Variants in DCC observed in about 807,000 individuals in gnomAD.
DCC encodes DCC netrin 1 receptor.
DCC carries 58 observed loss-of-function variants against 172.5 expected under a neutral mutation model. The ratio of observed to expected loss-of-function variants is 0.34; its 90% CI spans 0.27 to 0.42. The LOEUF (loss-of-function observed/expected upper bound fraction) is 0.42. DCC is among the 10% of genes least tolerant of loss of function. The pLI, the probability that DCC is intolerant of heterozygous loss-of-function variation, is 1.00. For missense variants in DCC, 1,740 were observed against 1,791.0 expected, an observed-to-expected ratio of 0.97 and a Z score of 0.51; for synonymous variants, 709 against 644.5, an observed-to-expected ratio of 1.10 and a Z score of -1.52.
chr18:52,699,704 A>T (rs1327392692), intron 1 of DCC, among the ~76,000 whole-genome samples: 2 of 152,190 alleles, frequency 1.3e-5, no homozygotes, highest in Admixed American at 6.5e-5. Context: ...AGAAAAGTTC[A>T]TACCTTTTTA....
intron 5 of DCC, among the ~76,000 whole-genome samples, chr18:53,052,547 C>T (rs1466630612): frequency 1.3e-5 from 2 of 152,048 alleles, no homozygotes; most frequent in East Asian, 1.9e-4. Context: ...TCTAGACTTA[C>T]TTGTCATCCT....
chr18:53,096,728 A>G (rs2043093175), intron 7 of DCC, among the ~76,000 whole-genome samples: 1 of 152,200 alleles, frequency 6.6e-6, no homozygotes, highest in African/African-American at 2.4e-5. Flanking sequence ...GAAGCAAAAT[A>G]GAAGGAAAAG....
Position 52,345,395 on chromosome 18 carries a change from A to G in DCC, c.91+4517A>G, listed in dbSNP as rs80044605. 1.2e-3 allele frequency among the ~76,000 whole-genome samples: 183 copies of G among 152,316 alleles called. 3 individuals carry two copies. The East Asian group carries it at 0.031, about 26-fold the overall frequency. Reference sequence around the variant, plus strand: ...CAAGTCTTCTTCCCCCTCTTTTTCCATTCCTTCCTTATAATGCTCTGGAGG... The same window carrying G: ...CAAGTCTTCTTCCCCCTCTTTTTCCGTTCCTTCCTTATAATGCTCTGGAGG... On this transcript the variant is annotated intron_variant, in intron 1 of 28. Transcript: ENST00000442544.
intron 9 of DCC, among the ~76,000 whole-genome samples, chr18:53,179,655 CTA>C (rs906282952): frequency 2.6e-5 from 4 of 152,100 alleles, no homozygotes; most frequent in African/African-American, 7.2e-5. Flanking sequence ...CTAGATTCAG[CTA>C]TGTTTTTTTT....
intron 1 of DCC, among the ~76,000 whole-genome samples, chr18:52,742,802 C>T (rs1023061565): frequency 4.6e-5 from 7 of 151,998 alleles, no homozygotes; most frequent in African/African-American, 1.2e-4. Context: ...AAAACCTAAC[C>T]GAAAACAATC....
At chr18:53,436,223 C>T (rs887729651) in intron 22 of DCC, among the ~76,000 whole-genome samples, 10 of 152,138 alleles carry the variant, frequency 6.6e-5, no homozygotes, top group African/African-American at 2.4e-4. Flanking sequence ...GATATTGTAT[C>T]CTGCTACAAC....
At chr18:52,534,785 C>A (rs2032243433) in intron 1 of DCC, among the ~76,000 whole-genome samples, 1 of 152,196 alleles carries the variant, frequency 6.6e-6, no homozygotes. Context: ...CATAAGTGAA[C>A]TATTAGGCAT....
rs959159192 is a variant in DCC, at chr18:53,132,569, G to A, written c.1262-24787G>A. The stretch of plus-strand genomic sequence containing the variant: ...GGTCAAAGATGCTTTATCCCAATAT[G>A]TATCTTATTCATTTAGGCTGTCAAA... On this transcript the variant is annotated intron_variant, in intron 7 of 28. Coordinates refer to ENST00000442544, the MANE Select transcript of DCC (RefSeq NM_005215.4). Among the ~76,000 whole-genome samples, 3 of 152,110 alleles carry A rather than the reference G, an allele frequency of 2.0e-5. No homozygotes were observed. The South Asian group carries it at 6.2e-4, about 32-fold the overall frequency.
chr18:52,579,928 G>A (rs2033504606), intron 1 of DCC, among the ~76,000 whole-genome samples: 1 of 152,174 alleles, frequency 6.6e-6, no homozygotes, highest in African/African-American at 2.4e-5. Context: ...AGAAAGAAGG[G>A]AAAATTATGG....
At chr18:52,748,595 G>A (rs1481474050) in intron 1 of DCC, among the ~76,000 whole-genome samples, 4 of 152,332 alleles carry the variant, frequency 2.6e-5, no homozygotes, top group Middle Eastern at 3.4e-3. Context: ...GCTTCTTGTC[G>A]TCTTGGGTGG....
At chr18:52,641,609 A>G (rs1305877030) in intron 1 of DCC, among the ~76,000 whole-genome samples, 3 of 152,198 alleles carry the variant, frequency 2.0e-5, no homozygotes, top group African/African-American at 7.2e-5. Context: ...AAACATATGA[A>G]AAAAAGGCTC....
intron 1 of DCC, among the ~76,000 whole-genome samples, chr18:52,532,302 ATC>A (rs1185497186): frequency 1.3e-5 from 2 of 152,200 alleles, no homozygotes; most frequent in Non-Finnish European, 2.9e-5. Flanking sequence ...TCAAAGTTAT[ATC>A]TATTAAATCT....
rs149583480 is a variant in DCC at position 52,835,444 on chromosome 18, A to G, written c.413-70600A>G. Among the ~76,000 whole-genome samples the G allele has an allele frequency of 2.7e-3, 405 of 152,350 alleles. 14 individuals are homozygous for G. In the East Asian group the frequency reaches 0.065, roughly 24 times the overall value. On this transcript the variant is annotated intron_variant, in intron 2 of 28. Coordinates refer to ENST00000442544, the MANE Select transcript of DCC (RefSeq NM_005215.4). ...TTGCTGATAGACATTTGTTTTGCTC[A>G]GGAGTTAAACTACTGCTGATTTCAC...
chr18:53,383,339 C>G (rs1380702163), intron 15 of DCC, among the ~76,000 whole-genome samples: 1 of 151,764 alleles, frequency 6.6e-6, no homozygotes, highest in Non-Finnish European at 1.5e-5. Context: ...CAGAAATGAC[C>G]AACTGTTATT....
intron 13 of DCC, among the ~76,000 whole-genome samples, chr18:53,307,167 C>G (rs564617702): frequency 1.8e-4 from 27 of 152,198 alleles, no homozygotes; most frequent in African/African-American, 6.3e-4. Context: ...CAGAGCACTT[C>G]CAAAGTAGAT....
chr18:53,091,865 A>C (rs1472657435), intron 7 of DCC, among the ~76,000 whole-genome samples: 80 of 125,224 alleles, frequency 6.4e-4, no homozygotes, highest in African/African-American at 2.0e-3. Flanking sequence ...CTATCTATAT[A>C]TATATATATA....
chr18:52,984,591 A>C (rs188039004), intron 5 of DCC, among the ~76,000 whole-genome samples: 1 of 152,246 alleles, frequency 6.6e-6, no homozygotes, highest in East Asian at 1.9e-4. Flanking sequence ...CATTTATTTA[A>C]GCCTTCAACT....
At chr18:52,390,108 ACC>A (rs1218317939) in intron 1 of DCC, among the ~76,000 whole-genome samples, 2 of 151,956 alleles carry the variant, frequency 1.3e-5, no homozygotes, top group East Asian at 3.9e-4. Flanking sequence ...CAAACAGAAG[ACC>A]CAGGCAGCAA....
intron 12 of DCC, among the ~76,000 whole-genome samples, chr18:53,291,201 G>A (rs1220873255): frequency 6.6e-6 from 1 of 151,904 alleles, no homozygotes; most frequent in South Asian, 2.1e-4. Flanking sequence ...TGGAGTATAA[G>A]ATATTGTAAA....
Sources: allele counts gnomAD v4.1 joint callset (sites outside exome capture counted in the v4.1 genomes callset), GRCh38; gene constraint gnomAD v4.1.1; transcripts MANE v1.5; gene names NCBI Gene and HGNC (gene_info 2026-07-23, HGNC 2026-07-21).